COP1: variants seen among roughly 807,000 people sequenced by gnomAD.
COP1 encodes the protein COP1 E3 ubiquitin ligase.
A neutral mutation model predicts 101.3 loss-of-function variants in COP1; 24 were observed. That is an observed-to-expected ratio of 0.24 (90% CI 0.17 to 0.33). The LOEUF (loss-of-function observed/expected upper bound fraction) is 0.33. Among genes scored for constraint, COP1 ranks in the 10% least tolerant of loss-of-function variants. COP1 has a pLI of 1.00. For missense variants in COP1, 663 were observed against 906.2 expected, an observed-to-expected ratio of 0.73 and a Z score of 3.45; for synonymous variants, 347 against 341.9, an observed-to-expected ratio of 1.01 and a Z score of -0.17.
intron 9 of COP1, among the ~76,000 whole-genome samples, chr1:176,099,756 C>T (rs1683064199): frequency 6.6e-6 from 1 of 152,038 alleles, no homozygotes; most frequent in African/African-American, 2.4e-5. Context: ...GGAAAAATGG[C>T]CTCATACCCT....
At chr1:176,112,805 T>A (rs1019522379) in intron 9 of COP1, among the ~76,000 whole-genome samples, 14 of 152,164 alleles carry the variant, frequency 9.2e-5, no homozygotes, top group African/African-American at 2.9e-4. Flanking sequence ...AATGACAATA[T>A]GTGATGTTTG....
At chr1:175,991,538 T>C (rs904652214) in intron 15 of COP1, among the ~76,000 whole-genome samples, 1 of 152,152 alleles carries the variant, frequency 6.6e-6, no homozygotes, top group African/African-American at 2.4e-5. Context: ...TGTAAAAAAG[T>C]GTTCTCCCTT....
intron 11 of COP1, among the ~76,000 whole-genome samples, chr1:176,048,514 C>G (rs1671907525): frequency 6.6e-6 from 1 of 152,276 alleles, no homozygotes; most frequent in Non-Finnish European, 1.5e-5. Context: ...TGCACCATAA[C>G]TATAATGATG....
chr1:176,097,868 C>CAAA lies in COP1; in HGVS notation c.1027-11981_1027-11979dup, dbSNP rs35822200. ...TGGGCAACAGAGTGAAACTCCATCT[C>CAAA]AAAAAAAAAAAAAAAAAAAGCTCTA... On this transcript the variant is annotated intron_variant, in intron 9 of 19. Coordinates refer to ENST00000367669, the MANE Select transcript of COP1 (RefSeq NM_022457.7). Among the ~76,000 whole-genome samples, 81 of 79,288 alleles carry CAAA rather than the reference C, an allele frequency of 1.0e-3. 1 individual carries two copies. The highest frequency in any genetic ancestry group is 2.3e-3 in the South Asian group (5 of 2,194). 52.0% of individuals were successfully genotyped at this position (79,288 alleles called of 152,430 possible).
At position 176,135,064 on chromosome 1, in the gene COP1, G is replaced by A; in HGVS notation, c.914C>T (p.Pro305Leu). The A allele has an allele frequency of 6.2e-7, 1 of 1,608,208 alleles. No homozygotes were observed. The highest frequency in any genetic ancestry group is 2.2e-5 in the East Asian group (1 of 44,762). Residue 305 changes from proline (P) to leucine (L), a missense_variant, in exon 8 of 20, where the codon CCT becomes CTT. Physicochemically the swap from Pro to Leu is moderately conservative, Grantham distance 98. Around this residue, in one of 4 missense-constraint regions of COP1, gnomAD observed 212 missense variants for 240.7 expected, o/e 0.88. Coordinates refer to ENST00000367669, the MANE Select transcript of COP1 (RefSeq NM_022457.7). Reference sequence around the variant, plus strand: ...AGGCACTGTGCTATCCTCACTGACAGGAGAGTATAAGCCACTCATTTCCTG... The same window carrying A: ...AGGCACTGTGCTATCCTCACTGACAAGAGAGTATAAGCCACTCATTTCCTG... Reference protein sequence around the residue: ...RVEEMSGLYSPVSEDSTVPQF... With the variant: ...RVEEMSGLYSLVSEDSTVPQF...
intron 14 of COP1, among the ~76,000 whole-genome samples, chr1:176,042,179 G>T (rs1448746547): frequency 2.0e-5 from 3 of 149,578 alleles, no homozygotes; most frequent in Non-Finnish European, 4.4e-5. Context: ...GTGGAGGCAG[G>T]AGAATCACTT....
chr1:175,954,732 A>G (rs560930744), intron 18 of COP1, among the ~76,000 whole-genome samples: 2 of 152,172 alleles, frequency 1.3e-5, no homozygotes, highest in South Asian at 4.1e-4. Flanking sequence ...GAACATTTCC[A>G]AACTCAGCTT....
At chr1:176,136,244 T>C (rs561620426) in intron 7 of COP1, among the ~76,000 whole-genome samples, 2 of 152,230 alleles carry the variant, frequency 1.3e-5, no homozygotes, top group Non-Finnish European at 2.9e-5. Flanking sequence ...GCGATTTTTT[T>C]TGTCAGTCTA....
At chr1:176,187,341 CACACATATATAT>C (rs1289312117) in intron 1 of COP1, among the ~76,000 whole-genome samples, 6 of 151,966 alleles carry the variant, frequency 3.9e-5, no homozygotes, top group Non-Finnish European at 8.8e-5. Context: ...CACATATATA[CACACATATATAT>C]ACACATATAT....
At chr1:176,122,664 G>T (rs1421395661) in intron 8 of COP1, among the ~76,000 whole-genome samples, 1 of 152,116 alleles carries the variant, frequency 6.6e-6, no homozygotes, top group African/African-American at 2.4e-5. Flanking sequence ...GTTACAAAAA[G>T]TAACAGTTAC....
chr1:175,953,398 T>G (rs1650200685), intron 18 of COP1, among the ~76,000 whole-genome samples: 1 of 152,144 alleles, frequency 6.6e-6, no homozygotes, highest in African/African-American at 2.4e-5. Context: ...CTAAATATTA[T>G]AATTAAAAGG....
At chr1:176,092,162 T>C (rs1681448953) in intron 9 of COP1, among the ~76,000 whole-genome samples, 1 of 152,110 alleles carries the variant, frequency 6.6e-6, no homozygotes, top group Non-Finnish European at 1.5e-5. Context: ...ACTAGTGTTA[T>C]GCAAGTAACA....
At chr1:176,191,847 T>C (rs764195987) in intron 1 of COP1, among the ~76,000 whole-genome samples, 3 of 152,272 alleles carry the variant, frequency 2.0e-5, no homozygotes, top group South Asian at 2.1e-4. Flanking sequence ...GTGTTTAACA[T>C]TGCCTTAAGT....
chr1:176,184,622 A>C lies in COP1; in HGVS notation c.467+11T>G. Reference sequence around the variant, plus strand: ...GTTAAAAGATTATTTTACTCAATAGAATTGTCTTACCAAAAGCTGTGGCCA... The same window carrying C: ...GTTAAAAGATTATTTTACTCAATAGCATTGTCTTACCAAAAGCTGTGGCCA... On this transcript the variant is annotated intron_variant, in intron 2 of 19. Coordinates refer to ENST00000367669, the MANE Select transcript of COP1 (RefSeq NM_022457.7). The C allele has an allele frequency of 6.3e-7, 1 of 1,587,056 alleles. No individual in the cohort carries two copies. Among genetic ancestry groups the C allele is most frequent in the Non-Finnish European group, 8.6e-7 (1 of 1,160,330 alleles).
chr1:175,996,488 T>A (rs1042800280), intron 15 of COP1, among the ~76,000 whole-genome samples: 1 of 152,010 alleles, frequency 6.6e-6, no homozygotes, highest in Non-Finnish European at 1.5e-5. Flanking sequence ...TGATTGTATA[T>A]CTAGAAAACC....
In COP1 at chr1:176,207,211, G is replaced by GGCC; in HGVS notation, c.-236_-234dup. On this transcript the variant is annotated 5_prime_UTR_variant, in exon 1 of 20. Transcript: ENST00000367669. ...GAGTAGAAGGCACTACCGCTGTCGAGGCCGCCGCCGCCACCGCGGTCCCTG... is the reference window on the plus strand; with the variant it reads ...GAGTAGAAGGCACTACCGCTGTCGAGGCCGCCGCCGCCGCCACCGCGGTCCCTG... The GGCC allele has an allele frequency of 5.0e-6, 2 of 402,156 alleles. No individual in the cohort carries two copies. The highest frequency in any genetic ancestry group is 8.7e-6 in the Non-Finnish European group (2 of 229,308). 24.9% of individuals were successfully genotyped at this position (402,156 alleles called of 1,614,324 possible).
intron 9 of COP1, among the ~76,000 whole-genome samples, chr1:176,099,007 C>T (rs1181922080): frequency 2.0e-5 from 3 of 152,022 alleles, no homozygotes; most frequent in Non-Finnish European, 4.4e-5. Context: ...TATGGGATTC[C>T]AAAAATTCTA....
At chr1:176,141,783 T>A (rs1572487169) in intron 6 of COP1, among the ~76,000 whole-genome samples, 1 of 151,434 alleles carries the variant, frequency 6.6e-6, no homozygotes, top group Non-Finnish European at 1.5e-5. Flanking sequence ...CAGGCTGGAG[T>A]GCAGTGGCAC....
At chr1:176,061,170 C>T (rs992264357) in intron 11 of COP1, among the ~76,000 whole-genome samples, 2 of 151,994 alleles carry the variant, frequency 1.3e-5, no homozygotes, top group African/African-American at 4.8e-5. Flanking sequence ...ACAGTCAATT[C>T]ATTTTAAACA....
Sources: allele counts gnomAD v4.1 joint callset (sites outside exome capture counted in the v4.1 genomes callset), GRCh38; gene constraint gnomAD v4.1.1; regional missense constraint gnomAD v4.1.1; transcripts MANE v1.5; gene names NCBI Gene and HGNC (gene_info 2026-07-23, HGNC 2026-07-21).